The following LPIN1 variants were observed in gnomAD, a reference collection of about 807,000 sequenced individuals.
LPIN1 encodes phosphatidate phosphatase LPIN1.
In LPIN1, 71 loss-of-function variants were observed where a neutral mutation model predicts 107.5. The ratio of observed to expected loss-of-function variants is 0.66; its 90% CI spans 0.55 to 0.80. The LOEUF is 0.80. Ranked by LOEUF, LPIN1 falls within the 30% of genes least tolerant of loss-of-function variation. LPIN1 has a pLI of 0.00. For synonymous variants in LPIN1, 445 were observed against 452.6 expected (o/e 0.98, Z 0.21); for missense variants, 1,043 against 1,160.6 (o/e 0.90, Z 1.47).
At chr2:11,700,310 G>C (rs372290343) in intron 1 of LPIN1, among the ~76,000 whole-genome samples, 9 of 152,332 alleles carry the variant, frequency 5.9e-5, no homozygotes, top group African/African-American at 2.2e-4. Context: ...AACAACCTCA[G>C]TCAGGTGGTG....
chr2:11,684,002 T>A (rs915345663), intron 1 of LPIN1, among the ~76,000 whole-genome samples: 1 of 152,246 alleles, frequency 6.6e-6, no homozygotes, highest in East Asian at 1.9e-4. Flanking sequence ...CTTACTTTTC[T>A]CATAGCAGCT....
upstream of LPIN1, among the ~76,000 whole-genome samples, chr2:11,741,702 T>C (rs1666381391): frequency 6.6e-6 from 1 of 152,104 alleles, no homozygotes; most frequent in Non-Finnish European, 1.5e-5. Flanking sequence ...TCCCAGCTAG[T>C]CAGGAGGCTG....
intron 16 of LPIN1, 108 bp downstream of exon 16, chr2:11,804,679 G>T: frequency 8.4e-7 from 1 of 1,189,254 alleles, no homozygotes; most frequent in Non-Finnish European, 1.2e-6. Flanking sequence ...TGCACGGTTC[G>T]AATTCTGGTG....
chr2:11,691,317 C>T (rs1251231659), intron 1 of LPIN1, among the ~76,000 whole-genome samples: 2 of 152,130 alleles, frequency 1.3e-5, no homozygotes, highest in African/African-American at 4.8e-5. Context: ...CCTTTGGTTT[C>T]CTTCCTGCTT....
intron 1 of LPIN1, among the ~76,000 whole-genome samples, chr2:11,701,324 T>G (rs1023925052): frequency 1.4e-4 from 21 of 152,194 alleles, no homozygotes; most frequent in African/African-American, 5.1e-4. Context: ...TGATCCTGTC[T>G]TAGTTATCTT....
intron 1 of LPIN1, among the ~76,000 whole-genome samples, chr2:11,701,072 A>G (rs1662848947): frequency 6.6e-6 from 1 of 152,142 alleles, no homozygotes; most frequent in African/African-American, 2.4e-5. Flanking sequence ...TATAAGGCCA[A>G]GGTTATTCTT....
In LPIN1 at chr2:11,678,717, T is replaced by C. The variant is rs114770158; in HGVS notation, c.81+989T>C. ...TCTGGGGCTGGTGTCCAGGCGGCAA[T>C]GCAGTGAGGGCTCTCTAGGGAGAAA... On this transcript the variant is annotated intron_variant, in intron 1 of 21. Coordinates refer to the LPIN1 transcript ENST00000449576. 3.7e-3 allele frequency among the ~76,000 whole-genome samples: 568 copies of C among 152,304 alleles called. 6 individuals carry two copies. Among genetic ancestry groups the C allele is most frequent in the Middle Eastern group, 0.017 (5 of 294 alleles).
intron 1 of LPIN1, among the ~76,000 whole-genome samples, chr2:11,684,645 C>A (rs961630408): frequency 6.6e-6 from 1 of 152,120 alleles, no homozygotes; most frequent in Non-Finnish European, 1.5e-5. Context: ...CTGGGAAAGA[C>A]TATTATTTAT....
chr2:11,812,555 G>C (rs1294767835), intron 17 of LPIN1, among the ~76,000 whole-genome samples: 2 of 152,204 alleles, frequency 1.3e-5, no homozygotes, highest in Admixed American at 1.3e-4. Flanking sequence ...CTAGGCAGGA[G>C]GAACGGCATG....
intron 1 of LPIN1, among the ~76,000 whole-genome samples, chr2:11,702,592 T>C (rs932920652): frequency 3.3e-5 from 5 of 152,210 alleles, no homozygotes; most frequent in Non-Finnish European, 7.4e-5. Context: ...TGACTTGTCA[T>C]GGCCTAGCTA....
chr2:11,817,623 C>T (rs1680788763), intron 18 of LPIN1: 1 of 152,124 alleles, frequency 6.6e-6, no homozygotes, highest in African/African-American at 2.4e-5. Context: ...TTTGTCCCCA[C>T]ACCATGTGCT....
chr2:11,744,379 C>T (rs1335911608), upstream of LPIN1, among the ~76,000 whole-genome samples: 2 of 152,212 alleles, frequency 1.3e-5, no homozygotes, highest in Non-Finnish European at 2.9e-5. Context: ...TTTCGTTTAT[C>T]GCCTGGGAGT....
At chr2:11,799,562 A>G (rs1677323666) in intron 14 of LPIN1, among the ~76,000 whole-genome samples, 1 of 151,960 alleles carries the variant, frequency 6.6e-6, no homozygotes, top group African/African-American at 2.4e-5. Flanking sequence ...TTGTTGGTTC[A>G]GAGGAACCAG....
chr2:11,714,982 T>C (rs1255173566), intron 2 of LPIN1, among the ~76,000 whole-genome samples: 1 of 152,210 alleles, frequency 6.6e-6, no homozygotes, highest in Non-Finnish European at 1.5e-5. Flanking sequence ...GCCTGGGCAC[T>C]CTGTGAGGAG....
rs1445178759 is a variant in LPIN1 at position 11,786,748 on chromosome 2, G to A, written c.1550-326G>A. ...TCAGCCGAGGGAGCCTGGCTTCTGC[G>A]CCATGCGTAGCCATGACTCTGCCTG... On this transcript the variant is annotated intron_variant, in intron 10 of 20. Transcript: ENST00000674199. This position sits in a 1 kb window ranked among gnomAD's most constrained non-coding sequence, Gnocchi z 4.1. Among the ~76,000 whole-genome samples, 1 of 152,184 alleles carries A rather than the reference G, an allele frequency of 6.6e-6. No individual in the cohort carries two copies.
At chr2:11,717,616 C>T (rs532046391) in intron 2 of LPIN1, among the ~76,000 whole-genome samples, 27 of 151,586 alleles carry the variant, frequency 1.8e-4, no homozygotes, top group South Asian at 2.1e-4. Flanking sequence ...TCTATTTGGA[C>T]GACCATATTT....
In LPIN1 at chr2:11,825,662, CAG is replaced by C. The variant is rs988818921; in HGVS notation, c.*872_*873del. 1 of 152,612 alleles carries C rather than the reference CAG, an allele frequency of 6.6e-6. No homozygotes were observed. Among genetic ancestry groups the C allele is most frequent in the Non-Finnish European group, 1.5e-5 (1 of 68,052 alleles). The allele number at this position is 152,612 out of a possible 1,614,324, so 9.5% of individuals were successfully genotyped here. ...CTTCCATCCAGCGAGGTGGTGCTGA[CAG>C]TGTGGACTTGAGCACACTTATGCCA... On this transcript the variant is annotated 3_prime_UTR_variant, in exon 21 of 21. Coordinates refer to ENST00000674199, the MANE Select transcript of LPIN1 (RefSeq NM_001349206.2). This position sits in a 1 kb window ranked among gnomAD's most constrained non-coding sequence, Gnocchi z 4.1.
intron 1 of LPIN1, among the ~76,000 whole-genome samples, chr2:11,753,600 C>G (rs918848360): frequency 6.6e-6 from 1 of 152,220 alleles, no homozygotes; most frequent in African/African-American, 2.4e-5. Flanking sequence ...CCCAGGTGGC[C>G]TGACTTTCTG....
chr2:11,698,142 C>A (rs1429767057), intron 1 of LPIN1, among the ~76,000 whole-genome samples: 2 of 152,152 alleles, frequency 1.3e-5, no homozygotes, highest in Admixed American at 6.5e-5. Flanking sequence ...CAGGGGTGTG[C>A]GGGGCGGCTC....
Sources: allele counts gnomAD v4.1 joint callset (sites outside exome capture counted in the v4.1 genomes callset), GRCh38; gene constraint gnomAD v4.1.1; non-coding constraint Gnocchi (gnomAD v3.1); transcripts MANE v1.5; gene names NCBI Gene and HGNC (gene_info 2026-07-23, HGNC 2026-07-21).